Variants in RBPJ observed in about 807,000 individuals in gnomAD.
RBPJ encodes the protein recombining binding protein suppressor of hairless.
Under a neutral mutation model 67.8 loss-of-function variants are expected in RBPJ, and 9 were observed. The ratio of observed to expected loss-of-function variants is 0.13; its 90% CI spans 0.08 to 0.23. The LOEUF is 0.23. Ranked by LOEUF, RBPJ falls within the 10% of genes least tolerant of loss-of-function variation. The pLI is 1.00. For missense variants in RBPJ, 305 were observed against 595.6 expected, an observed-to-expected ratio of 0.51 and a Z score of 5.08; for synonymous variants, 198 against 203.3, an observed-to-expected ratio of 0.97 and a Z score of 0.22.
At chr4:26,214,079 G>A (rs1429069546) in intron 1 of RBPJ, among the ~76,000 whole-genome samples, 1 of 151,556 alleles carries the variant, frequency 6.6e-6, no homozygotes, top group Non-Finnish European at 1.5e-5. Context: ...AAGCTCAGGA[G>A]CTCAAGACCA....
rs958219470 is a variant in RBPJ, at chr4:26,424,656, A to G, written c.660A>G (p.Glu220=). ...TGGATGATGATGAATCAGAAGGAGAAGAATTCACAGTCCGAGATGGCTACA... is the reference window on the plus strand; with the variant it reads ...TGGATGATGATGAATCAGAAGGAGAGGAATTCACAGTCCGAGATGGCTACA... ...HLLDDDESEG[E]EFTVRDGYIH... The change falls in exon 7 of 11, where the codon GAA becomes GAG. Residue 220 remains glutamate, a synonymous_variant. Transcript: ENST00000355476. This position sits in a 1 kb window ranked among gnomAD's most constrained non-coding sequence, Gnocchi z 5.3. 6 of 1,613,138 alleles carry G rather than the reference A, an allele frequency of 3.7e-6. No individual in the cohort carries two copies. Among genetic ancestry groups the G allele is most frequent in the Non-Finnish European group, 5.1e-6 (6 of 1,179,314 alleles).
Position 26,431,182 on chromosome 4 carries a change from AG to A in RBPJ, c.*176del, listed in dbSNP as rs1736186996. The A allele has an allele frequency of 6.6e-5, 14 of 211,948 alleles. No individual in the cohort carries two copies. Among genetic ancestry groups the A allele is most frequent in the East Asian group, 2.2e-4 (3 of 13,740 alleles). The allele number at this position is 211,948 out of a possible 1,614,324, so 13.1% of individuals were successfully genotyped here. On this transcript the variant is annotated 3_prime_UTR_variant, in exon 11 of 11. Transcript: ENST00000355476. ...TGCTGATTTGAAATGCAGAAGCCAC[AG>A]TAAAAAAAAAAAAAAAAAAAAAAAA... is the stretch of plus-strand genomic sequence containing the variant.
At chr4:26,221,280 C>T (rs376462899) in intron 1 of RBPJ, among the ~76,000 whole-genome samples, 1 of 152,068 alleles carries the variant, frequency 6.6e-6, no homozygotes, top group Non-Finnish European at 1.5e-5. Flanking sequence ...TTAGTAGAGA[C>T]GGGGTTTCAC....
rs192264184 is a variant in RBPJ, at chr4:26,397,345, A to G, written c.60-8830A>G. On this transcript the variant is annotated intron_variant, in intron 2 of 10. Coordinates refer to ENST00000355476, the MANE Select transcript of RBPJ (RefSeq NM_015874.6). ...AGGATGCCTTTTGGCAGCATCCCCA[A>G]GTAGATGTGAGAAGAGTTGAGCTGA... Among the ~76,000 whole-genome samples, 536 of 152,272 alleles carry G rather than the reference A, an allele frequency of 3.5e-3. 5 individuals are homozygous for G. Among genetic ancestry groups the G allele is most frequent in the Admixed American group, 0.015 (229 of 15,290 alleles).
At chr4:26,384,779 C>G (rs992243980) in intron 1 of RBPJ, among the ~76,000 whole-genome samples, 5 of 146,448 alleles carry the variant, frequency 3.4e-5, no homozygotes, top group Admixed American at 6.8e-5. Context: ...CTCTCCTCCT[C>G]TCTCCTCTCC....
chr4:26,282,136 C>CTT (rs869155604), intron 1 of RBPJ, among the ~76,000 whole-genome samples: 115 of 51,780 alleles, frequency 2.2e-3, no homozygotes, highest in Non-Finnish European at 4.4e-3. Flanking sequence ...CTCTCTCTCT[C>CTT]TTTTTTTTTT....
chr4:26,299,073 A>G (rs1436203311), intron 1 of RBPJ, among the ~76,000 whole-genome samples: 2 of 152,206 alleles, frequency 1.3e-5, no homozygotes, highest in Non-Finnish European at 2.9e-5. Context: ...AAAGAACTCC[A>G]AAAAAGGAAT....
At chr4:26,194,029 A>G (rs1717665316) in intron 1 of RBPJ, among the ~76,000 whole-genome samples, 1 of 152,032 alleles carries the variant, frequency 6.6e-6, no homozygotes, top group Non-Finnish European at 1.5e-5. Flanking sequence ...AATTCTATCC[A>G]TTCCTTCCTT....
chr4:26,284,001 C>T (rs1721375297), intron 1 of RBPJ, among the ~76,000 whole-genome samples: 2 of 152,146 alleles, frequency 1.3e-5, no homozygotes, highest in South Asian at 4.1e-4. Flanking sequence ...AAGCTGGAGG[C>T]AAATGCTATT....
chr4:26,229,471 T>C (rs1032645711), intron 1 of RBPJ, among the ~76,000 whole-genome samples: 1 of 152,174 alleles, frequency 6.6e-6, no homozygotes, highest in African/African-American at 2.4e-5. Context: ...TGGACTTGGC[T>C]ATTTCATGAA....
chr4:26,410,707 A>G (rs114079458), intron 3 of RBPJ, among the ~76,000 whole-genome samples: 2,291 of 152,334 alleles, frequency 0.015, 58 homozygotes, highest in African/African-American at 0.052. Flanking sequence ...TGCAAATATC[A>G]TGAGTTTGGA....
chr4:26,249,735 C>T (rs1306936314), intron 1 of RBPJ, among the ~76,000 whole-genome samples: 3 of 151,932 alleles, frequency 2.0e-5, no homozygotes, highest in East Asian at 3.9e-4. Context: ...AAGTGTACAA[C>T]TCACATTGTT....
At chr4:26,122,499 G>A in the RBPJ span, among the ~76,000 whole-genome samples, 14 of 152,310 alleles carry the variant, frequency 9.2e-5, no homozygotes, top group East Asian at 1.9e-3. Flanking sequence ...TCACCCATTC[G>A]AGGCAGAGAT....
At chr4:26,148,104 A>G in the RBPJ span, among the ~76,000 whole-genome samples, 9 of 152,328 alleles carry the variant, frequency 5.9e-5, no homozygotes, top group South Asian at 1.2e-3. Context: ...AAGATTTGGA[A>G]GTAGTCTATA....
chr4:26,429,844 T>C (rs1736036118), intron 8 of RBPJ, 54 bp from the exon 9 acceptor site: 1 of 1,481,198 alleles, frequency 6.8e-7, no homozygotes, highest in Non-Finnish European at 9.3e-7. Flanking sequence ...AATTTTCTTA[T>C]CCTATTAATA....
chr4:26,215,102 A>T (rs921696240), intron 1 of RBPJ, among the ~76,000 whole-genome samples: 3 of 12,024 alleles, frequency 2.5e-4, no homozygotes, highest in Non-Finnish European at 4.1e-4. Context: ...AAAGAGAAAG[A>T]AAGAAAAAGA....
At chr4:26,146,775 G>A in the RBPJ span, among the ~76,000 whole-genome samples, 1 of 152,362 alleles carries the variant, frequency 6.6e-6, no homozygotes, top group Admixed American at 6.5e-5. Context: ...ATGTTGGATT[G>A]TGTAGTCAGT....
chr4:26,376,412 G>A (rs1729734277), intron 1 of RBPJ, among the ~76,000 whole-genome samples: 1 of 152,164 alleles, frequency 6.6e-6, no homozygotes, highest in African/African-American at 2.4e-5. Flanking sequence ...ATTTCGCTTA[G>A]CATGTCTTCA....
At chr4:26,158,002 C>A in the RBPJ span, among the ~76,000 whole-genome samples, 2 of 152,190 alleles carry the variant, frequency 1.3e-5, no homozygotes, top group Non-Finnish European at 2.9e-5. Flanking sequence ...TCTAGCTGAA[C>A]CCAGCCCAAA....
Sources: allele counts gnomAD v4.1 joint callset (sites outside exome capture counted in the v4.1 genomes callset), GRCh38; gene constraint gnomAD v4.1.1; non-coding constraint Gnocchi (gnomAD v3.1); transcripts MANE v1.5; gene names NCBI Gene and HGNC (gene_info 2026-07-23, HGNC 2026-07-21).